Variants in NBEA observed in about 807,000 individuals in gnomAD.
NBEA encodes neurobeachin.
A neutral mutation model predicts 343.4 loss-of-function variants in NBEA; 44 were observed. That is an observed-to-expected ratio of 0.13 (90% CI 0.10 to 0.16). The LOEUF (loss-of-function observed/expected upper bound fraction) is 0.16, where lower values mean the gene tolerates loss of function less well. Among genes scored for constraint, NBEA ranks in the 10% least tolerant of loss-of-function variants. The pLI, the probability that NBEA is intolerant of heterozygous loss-of-function variation, is 1.00. For synonymous variants in NBEA, 1,175 were observed against 1,238.7 expected (o/e 0.95, Z 1.08); for missense variants, 2,555 against 3,631.3 (o/e 0.70, Z 7.62).
chr13:35,657,773 C>T (rs773129818), intron 55 of NBEA, among the ~76,000 whole-genome samples: 16 of 152,144 alleles, frequency 1.1e-4, no homozygotes, highest in Admixed American at 2.0e-4. Flanking sequence ...TTAAAAGAAA[C>T]AGAATAGAGC....
intron 18 of NBEA, among the ~76,000 whole-genome samples, chr13:35,154,352 C>T (rs1477698742): frequency 6.6e-6 from 1 of 152,160 alleles, no homozygotes; most frequent in East Asian, 1.9e-4. Context: ...GTCCTTTCAA[C>T]TAACGTTGGT....
intron 44 of NBEA, among the ~76,000 whole-genome samples, chr13:35,564,908 A>T (rs1377393543): frequency 1.3e-5 from 2 of 152,214 alleles, no homozygotes; most frequent in African/African-American, 4.8e-5. Flanking sequence ...TTTTTATCAC[A>T]TGCATATCCA....
At chr13:35,590,846 C>G (rs1394203364) in intron 46 of NBEA, among the ~76,000 whole-genome samples, 2 of 152,014 alleles carry the variant, frequency 1.3e-5, no homozygotes, top group African/African-American at 2.4e-5. Context: ...AAAAGAAAAC[C>G]CGTATCTTAC....
At chr13:35,459,908 C>T (rs375224857) in intron 40 of NBEA, among the ~76,000 whole-genome samples, 1 of 152,242 alleles carries the variant, frequency 6.6e-6, no homozygotes, top group East Asian at 1.9e-4. Context: ...GACTGGAATA[C>T]TTACTATGGG....
chr13:35,395,292 A>G (rs530505160), intron 38 of NBEA, among the ~76,000 whole-genome samples: 1 of 151,710 alleles, frequency 6.6e-6, no homozygotes, highest in East Asian at 1.9e-4. Context: ...ACAGGGGTGG[A>G]TTTCCCCCTT....
intron 36 of NBEA, among the ~76,000 whole-genome samples, chr13:35,312,165 A>G (rs879311677): frequency 6.6e-6 from 1 of 152,238 alleles, no homozygotes; most frequent in Admixed American, 6.5e-5. Flanking sequence ...AGATGAACAC[A>G]TACAGTAATA....
At chr13:35,631,436 C>T (rs1209622535) in intron 49 of NBEA, among the ~76,000 whole-genome samples, 1 of 151,920 alleles carries the variant, frequency 6.6e-6, no homozygotes, top group Admixed American at 6.6e-5. Flanking sequence ...GAGCTCAATA[C>T]ATTTATTTTA....
chr13:35,401,497 A>AT (rs1385707821), intron 38 of NBEA, among the ~76,000 whole-genome samples: 2 of 152,030 alleles, frequency 1.3e-5, no homozygotes, highest in Non-Finnish European at 2.9e-5. Flanking sequence ...TTTACTTCAG[A>AT]TTTCCACTAT....
chr13:35,516,621 T>G (rs2077496258), intron 41 of NBEA, among the ~76,000 whole-genome samples: 1 of 152,216 alleles, frequency 6.6e-6, no homozygotes, highest in South Asian at 2.1e-4. Flanking sequence ...TTTGATTTTT[T>G]AATTTGTTAT....
At chr13:34,963,189 TA>T (rs777043396) in intron 1 of NBEA, among the ~76,000 whole-genome samples, 1 of 151,976 alleles carries the variant, frequency 6.6e-6, no homozygotes, top group African/African-American at 2.4e-5. Context: ...CTGGGTGGCT[TA>T]AAAAATTGTA....
rs537234455 is a variant in NBEA at position 34,958,168 on chromosome 13, C to G, written c.294+15054C>G. 2.4e-3 allele frequency among the ~76,000 whole-genome samples: 369 copies of G among 151,934 alleles called. 1 individual carries two copies. Among genetic ancestry groups the G allele is most frequent in the African/African-American group, 8.5e-3 (354 of 41,438 alleles). ...CCTGTTTATATTTCTTTTAATGTGA[C>G]TACTTAAATTTTAAAAATTATATAT... On this transcript the variant is annotated intron_variant, in intron 1 of 58. Coordinates refer to ENST00000379939, the MANE Select transcript of NBEA (RefSeq NM_001385012.1).
chr13:35,507,539 C>T (rs1021451734), intron 41 of NBEA, among the ~76,000 whole-genome samples: 4 of 152,050 alleles, frequency 2.6e-5, no homozygotes, highest in African/African-American at 4.8e-5. Context: ...TTCCCAATTC[C>T]CAAAATATTG....
chr13:35,148,963 C>CT (rs1255333123), intron 18 of NBEA, among the ~76,000 whole-genome samples: 1 of 152,154 alleles, frequency 6.6e-6, no homozygotes, highest in Non-Finnish European at 1.5e-5. Context: ...TATAATATTA[C>CT]TTTTAACTAC....
chr13:35,086,723 A>G (rs1050422129), intron 10 of NBEA, among the ~76,000 whole-genome samples: 1 of 151,788 alleles, frequency 6.6e-6, no homozygotes, highest in African/African-American at 2.4e-5. Context: ...AACTCTTTGA[A>G]ACATCTCCAC....
chr13:35,263,521 A>G (rs901740081), intron 34 of NBEA, among the ~76,000 whole-genome samples: 9 of 152,184 alleles, frequency 5.9e-5, no homozygotes, highest in African/African-American at 2.2e-4. Flanking sequence ...AGAATAGAAC[A>G]TGTATCACAA....
chr13:34,955,985 A>T (rs1470349637), intron 1 of NBEA, among the ~76,000 whole-genome samples: 1 of 152,226 alleles, frequency 6.6e-6, no homozygotes, highest in East Asian at 1.9e-4. Context: ...ATTAACCATC[A>T]TAAGAGGTAT....
chr13:35,171,467 AC>A lies in NBEA; in HGVS notation c.4423+16del, dbSNP rs1456158622. 1 of 1,593,964 alleles carries A rather than the reference AC, an allele frequency of 6.3e-7. No individual in the cohort carries two copies. Among genetic ancestry groups the A allele is most frequent in the Non-Finnish European group, 8.6e-7 (1 of 1,166,488 alleles). On this transcript the variant is annotated intron_variant, in intron 26 of 58. Transcript: ENST00000379939. ...CCTAAGATTAGGTAAGTCTGTTAAA[AC>A]AATAGTGCATGTCAAATAATTATCT...
intron 6 of NBEA, among the ~76,000 whole-genome samples, chr13:35,054,059 G>A (rs966838793): frequency 6.6e-5 from 10 of 151,900 alleles, no homozygotes; most frequent in Non-Finnish European, 1.2e-4. Context: ...TTTTTTAATA[G>A]TAAGTACACC....
intron 47 of NBEA, among the ~76,000 whole-genome samples, chr13:35,593,869 C>A (rs959772623): frequency 1.3e-5 from 2 of 151,976 alleles, no homozygotes; most frequent in Non-Finnish European, 2.9e-5. Context: ...AATGACAAGA[C>A]CCATTTAAAA....
Sources: gnomAD v4.1 joint callset for allele counts (sites outside exome capture counted in the v4.1 genomes callset) on GRCh38, gnomAD v4.1.1 for gene constraint, MANE v1.5 for transcripts, NCBI Gene and HGNC (gene_info 2026-07-23, HGNC 2026-07-21) for gene names.